The following LY75 variants were observed in gnomAD, a reference collection of about 807,000 sequenced individuals.
LY75 encodes lymphocyte antigen 75, also known as C-type lectin domain family 13 member B.
LY75 carries 185 observed loss-of-function variants against 231.7 expected under a neutral mutation model. The ratio of observed to expected loss-of-function variants is 0.80; its 90% CI spans 0.71 to 0.90. The LOEUF is 0.90. Ranked by LOEUF, LY75 falls within the 40% of genes least tolerant of loss-of-function variation. The pLI is 0.00. For synonymous variants in LY75, 668 were observed against 689.0 expected, an observed-to-expected ratio of 0.97 and a Z score of 0.48; for missense variants, 1,947 against 2,050.2, an observed-to-expected ratio of 0.95 and a Z score of 0.97.
intron 29 of LY75, 157 bp from the exon 30 acceptor site, chr2:159,817,189 C>T: frequency 2.7e-6 from 1 of 374,356 alleles, no homozygotes; most frequent in Non-Finnish European, 3.7e-6. Context: ...ACTGGTATGA[C>T]ACATATCTTA....
intron 25 of LY75, among the ~76,000 whole-genome samples, chr2:159,839,776 C>T (rs1371063212): frequency 1.3e-5 from 2 of 151,922 alleles, no homozygotes; most frequent in South Asian, 4.2e-4. Flanking sequence ...GAGCCTGGGG[C>T]GGGCGGATCA....
intron 25 of LY75, 84 bp from the exon 26 acceptor site, chr2:159,835,729 ATTT>A (rs1008170182): frequency 1.1e-5 from 16 of 1,515,352 alleles, no homozygotes; most frequent in African/African-American, 1.4e-5. Flanking sequence ...CAATCTAATG[ATTT>A]TTAATTTTTT....
In LY75 at chr2:159,840,759, A is replaced by G; in HGVS notation, c.3477T>C (p.Ser1159=). The G allele has an allele frequency of 6.2e-7, 1 of 1,614,072 alleles. No individual in the cohort carries two copies. Among genetic ancestry groups the G allele is most frequent in the Non-Finnish European group, 8.5e-7 (1 of 1,179,956 alleles). ...FLSVQALLHN[S]SLWIGLFSQD... ...GACTGAAGAGTCCGATCCATAAGGA[A>G]GAGTTGTGAAGGAGCGCCTGCACAC... Residue 1159 remains serine, a synonymous_variant, in exon 25 of 35, where the codon TCT becomes TCC. Coordinates refer to ENST00000263636, the MANE Select transcript of LY75 (RefSeq NM_002349.4).
rs1164857355 is a variant in LY75, at chr2:159,850,039, G to C, written c.3091C>G (p.Leu1031Val). 6.2e-7 allele frequency: 1 copy of C among 1,613,830 alleles called. No individual in the cohort carries two copies. Among genetic ancestry groups the C allele is most frequent in the Non-Finnish European group, 8.5e-7 (1 of 1,179,914 alleles). The change falls in exon 23 of 35, where the codon CTG becomes GTG. Residue 1031 changes from leucine to valine, a missense_variant. Leu to Val is a conservative substitution (Grantham distance 32). Transcript: ENST00000263636. ...KINKWTDNRE[L>V]TYSNFHPLLV... is the part of the protein sequence containing the mutation. ...AATGGGTGAAAGTTACTGTACGTCA[G>C]CTCTCTGTTATCTGTCCATTTGTTT...
In LY75 at chr2:159,834,180, G is replaced by A. The variant is rs116716964; in HGVS notation, c.3705C>T (p.Asp1235=). ...NETEKEVKPV[D]SVKCPSPVLN... ...GAACAGGAGATGGACATTTAACACT[G>A]TCAACTGGTTTGACCTCTTTTTCAG... is the stretch of plus-strand genomic sequence containing the variant. Residue 1235 remains aspartate (D), a synonymous_variant, in exon 27 of 35, where the codon GAC becomes GAT. Coordinates refer to ENST00000263636, the MANE Select transcript of LY75 (RefSeq NM_002349.4). 16 of 1,613,912 alleles carry A rather than the reference G, an allele frequency of 9.9e-6. No homozygotes were observed. In the African/African-American group the frequency reaches 2.0e-4, roughly 20 times the overall value.
intron 4 of LY75, among the ~76,000 whole-genome samples, chr2:159,887,566 C>CAAAAAAAAAAAAAAAAAAAAAAAA (rs369452762): frequency 9.6e-6 from 1 of 103,824 alleles, no homozygotes; most frequent in Non-Finnish European, 1.8e-5. Flanking sequence ...TCAACAACAA[C>CAAAAAAAAAAAAAAAAAAAAAAAA]AAAAAAAAAA....
chr2:159,862,141 A>G (rs1467862095), intron 14 of LY75, among the ~76,000 whole-genome samples: 1 of 152,052 alleles, frequency 6.6e-6, no homozygotes, highest in Non-Finnish European at 1.5e-5. Context: ...TCTACTAAAA[A>G]ATTAGTTGGG....
At position 159,886,475 on chromosome 2, in the gene LY75, A is replaced by C; in HGVS notation, c.858T>G (p.Ala286=). 1 of 1,611,824 alleles carries C rather than the reference A, an allele frequency of 6.2e-7. No homozygotes were observed. Among genetic ancestry groups the C allele is most frequent in the Non-Finnish European group, 8.5e-7 (1 of 1,178,830 alleles). The change falls in exon 5 of 35, where the codon GCT becomes GCG. Residue 286 remains alanine (A), a synonymous_variant. Transcript: ENST00000263636. ...TGTGGTCTGACCATTCCCAGCCTCT[A>C]GCAGAGTATAGCTGATTTAAACCAA... is the stretch of plus-strand genomic sequence containing the variant. ...FWIGLNQLYS[A]RGWEWSDHKP...
At chr2:159,893,461 A>G (rs917974650) in intron 3 of LY75, among the ~76,000 whole-genome samples, 2 of 152,216 alleles carry the variant, frequency 1.3e-5, no homozygotes, top group Non-Finnish European at 2.9e-5. Context: ...ATAAAGCCAA[A>G]TAAGATTGTA....
chr2:159,841,118 C>A (rs1195189562), intron 24 of LY75, 163 bp from the exon 25 acceptor site: 1 of 634,502 alleles, frequency 1.6e-6, no homozygotes, highest in African/African-American at 2.0e-5. Context: ...TTGCTGTATA[C>A]CTTAAGGAAA....
rs771054642 is a variant in LY75 at position 159,882,318 on chromosome 2, G to T, written c.1055-3C>A. ...GGTATCTGAGTATGTCCAGACATCTGGGGGAAAAGCAGCTATTTATATTCC... is the reference window on the plus strand; with the variant it reads ...GGTATCTGAGTATGTCCAGACATCTTGGGGAAAAGCAGCTATTTATATTCC... On this transcript the variant is annotated splice_polypyrimidine_tract_variant and splice_region_variant and intron_variant, in intron 6 of 34. Coordinates refer to ENST00000263636, the MANE Select transcript of LY75 (RefSeq NM_002349.4). The T allele has an allele frequency of 1.2e-6, 2 of 1,611,812 alleles. No homozygotes were observed. Among genetic ancestry groups the T allele is most frequent in the South Asian group, 2.2e-5 (2 of 90,676 alleles).
intron 7 of LY75, among the ~76,000 whole-genome samples, chr2:159,881,680 A>G (rs1685440335): frequency 6.6e-6 from 1 of 152,216 alleles, no homozygotes; most frequent in African/African-American, 2.4e-5. Context: ...GGAAGAGATC[A>G]TAATACTGTC....
chr2:159,862,878 G>GT (rs1684755999), intron 14 of LY75, among the ~76,000 whole-genome samples: 1 of 152,002 alleles, frequency 6.6e-6, no homozygotes, highest in East Asian at 1.9e-4. Context: ...CCAACTTGTT[G>GT]TACAATAGAT....
chr2:159,886,393 C>A (rs762203324), intron 5 of LY75, 27 bp downstream of exon 5: 2 of 1,594,152 alleles, frequency 1.3e-6, no homozygotes, highest in Admixed American at 1.8e-5. Context: ...TTGTTCTGTG[C>A]AGAGGGGGTA....
intron 16 of LY75, among the ~76,000 whole-genome samples, chr2:159,856,136 G>A (rs1684543500): frequency 6.6e-6 from 1 of 152,154 alleles, no homozygotes; most frequent in African/African-American, 2.4e-5. Flanking sequence ...AGAAAAGTAG[G>A]ATGCAAGGTG....
At chr2:159,883,745 C>G (rs926436622) in intron 6 of LY75, among the ~76,000 whole-genome samples, 1 of 152,236 alleles carries the variant, frequency 6.6e-6, no homozygotes, top group East Asian at 1.9e-4. Flanking sequence ...GTTGTATGGA[C>G]TAAATTTGGT....
chr2:159,876,084 T>A (rs1685258559), intron 11 of LY75, among the ~76,000 whole-genome samples: 1 of 152,174 alleles, frequency 6.6e-6, no homozygotes, highest in Admixed American at 6.6e-5. Flanking sequence ...CTCTCCCAGA[T>A]TCTGATCCAA....
chr2:159,832,727 T>C (rs1683702107), intron 27 of LY75, among the ~76,000 whole-genome samples: 1 of 152,250 alleles, frequency 6.6e-6, no homozygotes, highest in South Asian at 2.1e-4. Flanking sequence ...AGCTATGGTG[T>C]CTAGTGTTTC....
At chr2:159,893,148 G>GGA (rs1418594538) in intron 3 of LY75, among the ~76,000 whole-genome samples, 1 of 152,168 alleles carries the variant, frequency 6.6e-6, no homozygotes, top group Admixed American at 6.5e-5. Flanking sequence ...TGAGAAATCA[G>GGA]GAGAGAGAGA....
Sources: gnomAD v4.1 joint callset for allele counts (sites outside exome capture counted in the v4.1 genomes callset) on GRCh38, gnomAD v4.1.1 for gene constraint, MANE v1.5 for transcripts, NCBI Gene and HGNC (gene_info 2026-07-23, HGNC 2026-07-21) for gene names.